CTNNA3: variants seen among roughly 807,000 people sequenced by gnomAD.
CTNNA3 encodes the protein catenin alpha 3, also known as catenin alpha-3.
A neutral mutation model predicts 95.7 loss-of-function variants in CTNNA3; 76 were observed. The ratio of observed to expected loss-of-function variants is 0.79; its 90% CI spans 0.66 to 0.96. CTNNA3 has a LOEUF of 0.96. Among genes scored for constraint, CTNNA3 ranks in the 40% least tolerant of loss-of-function variants. The pLI is 0.00. For synonymous variants in CTNNA3, 431 were observed against 374.4 expected (o/e 1.15, Z -1.74); for missense variants, 1,191 against 1,089.8 (o/e 1.09, Z -1.31).
intron 13 of CTNNA3, among the ~76,000 whole-genome samples, chr10:66,153,593 G>T (rs1277501174): frequency 1.3e-5 from 2 of 151,818 alleles, no homozygotes; most frequent in Non-Finnish European, 2.9e-5. Flanking sequence ...TACCAATTTG[G>T]GGGCTCTTAT....
intron 11 of CTNNA3, among the ~76,000 whole-genome samples, chr10:66,495,027 G>A (rs1840054213): frequency 6.6e-6 from 1 of 152,164 alleles, no homozygotes; most frequent in Admixed American, 6.5e-5. Flanking sequence ...GGGAATGGGT[G>A]AATGGTACCC....
intron 7 of CTNNA3, among the ~76,000 whole-genome samples, chr10:66,875,812 C>T (rs1411715965): frequency 6.6e-6 from 1 of 152,148 alleles, no homozygotes; most frequent in Non-Finnish European, 1.5e-5. Flanking sequence ...CATCCACTGG[C>T]TCAGAGACCA....
intron 8 of CTNNA3, among the ~76,000 whole-genome samples, chr10:66,770,848 T>C (rs1344424444): frequency 2.5e-5 from 1 of 40,704 alleles, no homozygotes; most frequent in Non-Finnish European, 4.1e-5. Context: ...TAAATTTTAA[T>C]AAATTAACAG....
intron 7 of CTNNA3, among the ~76,000 whole-genome samples, chr10:66,854,540 T>C (rs1843616522): frequency 6.6e-6 from 1 of 151,834 alleles, no homozygotes; most frequent in African/African-American, 2.4e-5. Flanking sequence ...TAAGATATTT[T>C]GGAAAGTCAG....
intron 11 of CTNNA3, among the ~76,000 whole-genome samples, chr10:66,449,403 C>A (rs4440928): frequency 6.6e-6 from 1 of 152,088 alleles, no homozygotes; most frequent in Non-Finnish European, 1.5e-5. Context: ...AGGCACGGTG[C>A]TGGATCCTTT....
intron 7 of CTNNA3, among the ~76,000 whole-genome samples, chr10:66,861,319 G>T (rs10997424): frequency 6.6e-6 from 1 of 152,080 alleles, no homozygotes; most frequent in Non-Finnish European, 1.5e-5. Flanking sequence ...GAGTTTGCAC[G>T]TTCTGCCCAT....
At chr10:66,860,959 T>C (rs1843897600) in intron 7 of CTNNA3, among the ~76,000 whole-genome samples, 1 of 152,186 alleles carries the variant, frequency 6.6e-6, no homozygotes, top group Admixed American at 6.5e-5. Flanking sequence ...ATTATCTTTC[T>C]TGGTTCACTT....
chr10:66,346,238 TATATATATAGAG>T (rs1305227654), intron 12 of CTNNA3, among the ~76,000 whole-genome samples: 3 of 16,174 alleles, frequency 1.9e-4, no homozygotes, highest in Admixed American at 6.2e-4. Context: ...TATATATATA[TATATATATAGAG>T]AGAGAGAGAG....
chr10:67,404,210 G>C (rs1156901545), intron 5 of CTNNA3, among the ~76,000 whole-genome samples: 1 of 152,062 alleles, frequency 6.6e-6, no homozygotes, highest in Admixed American at 6.6e-5. Flanking sequence ...TGAGATGGCT[G>C]AGATGATAGA....
intron 10 of CTNNA3, among the ~76,000 whole-genome samples, chr10:66,602,987 T>C (rs1335769289): frequency 6.6e-5 from 10 of 151,992 alleles, no homozygotes; most frequent in Admixed American, 6.6e-5. Context: ...ATAGCAATCA[T>C]AGTGAATGGG....
At chr10:67,538,862 C>A (rs1589403385) in intron 4 of CTNNA3, among the ~76,000 whole-genome samples, 1 of 152,260 alleles carries the variant, frequency 6.6e-6, no homozygotes, top group East Asian at 1.9e-4. Flanking sequence ...TGGTCAAACT[C>A]TGAAAACAGG....
intron 5 of CTNNA3, among the ~76,000 whole-genome samples, chr10:67,345,725 T>G (rs1419546559): frequency 6.6e-6 from 1 of 152,156 alleles, no homozygotes; most frequent in Non-Finnish European, 1.5e-5. Context: ...TCTTTATAGG[T>G]GAAGTGTGTT....
At chr10:67,295,643 C>A (rs915747735) in intron 5 of CTNNA3, among the ~76,000 whole-genome samples, 2 of 152,194 alleles carry the variant, frequency 1.3e-5, no homozygotes, top group Non-Finnish European at 2.9e-5. Context: ...TACCCAGCCA[C>A]TCACAGCTAA....
chr10:66,348,097 G>A (rs975338615), intron 12 of CTNNA3, among the ~76,000 whole-genome samples: 2 of 152,010 alleles, frequency 1.3e-5, no homozygotes, highest in African/African-American at 4.8e-5. Flanking sequence ...AATCATGAAA[G>A]ACAATCAGGT....
At chr10:66,937,728 G>A (rs931817744) in intron 7 of CTNNA3, among the ~76,000 whole-genome samples, 1 of 152,064 alleles carries the variant, frequency 6.6e-6, no homozygotes, top group Admixed American at 6.6e-5. Context: ...TCTCAAAGTA[G>A]CCCATGCTTC....
intron 1 of CTNNA3, among the ~76,000 whole-genome samples, chr10:67,725,885 CATATATATA>C (rs950960787): frequency 3.5e-5 from 5 of 141,172 alleles, no homozygotes; most frequent in African/African-American, 1.3e-4. Flanking sequence ...ACTAGAATGT[CATATATATA>C]ATATATATAA....
chr10:67,726,315 A>G (rs1322174667), intron 1 of CTNNA3, among the ~76,000 whole-genome samples: 1 of 65,414 alleles, frequency 1.5e-5, no homozygotes, highest in Non-Finnish European at 2.4e-5. Flanking sequence ...CTTACATATT[A>G]TATATATTAT....
intron 12 of CTNNA3, among the ~76,000 whole-genome samples, chr10:66,301,440 A>G (rs2091861774): frequency 6.6e-6 from 1 of 151,962 alleles, no homozygotes; most frequent in Non-Finnish European, 1.5e-5. Flanking sequence ...TAACAAAACT[A>G]ATTGAATTAT....
chr10:67,282,611 A>G (rs1839443050), intron 5 of CTNNA3, among the ~76,000 whole-genome samples: 1 of 152,190 alleles, frequency 6.6e-6, no homozygotes, highest in Non-Finnish European at 1.5e-5. Flanking sequence ...AAACATTATA[A>G]AGCAATAAAC....
Sources: allele counts gnomAD v4.1 joint callset (sites outside exome capture counted in the v4.1 genomes callset), GRCh38; gene constraint gnomAD v4.1.1; transcripts MANE v1.5; gene names NCBI Gene and HGNC (gene_info 2026-07-23, HGNC 2026-07-21).